The following TRIO variants were observed in gnomAD, a reference collection of about 807,000 sequenced individuals.
The protein encoded by TRIO is triple functional domain protein.
Under a neutral mutation model 351.9 loss-of-function variants are expected in TRIO, and 58 were observed. The observed-to-expected ratio is 0.16, with a 90% CI of 0.13 to 0.21. TRIO has a LOEUF of 0.21. Ranked by LOEUF, TRIO falls within the 10% of genes least tolerant of loss-of-function variation. TRIO has a pLI of 1.00. For synonymous variants in TRIO, 1,758 were observed against 1,595.7 expected (o/e 1.10, Z -2.42); for missense variants, 3,201 against 4,027.8 (o/e 0.79, Z 5.56).
At chr5:14,234,471 A>C (rs556574634) in intron 1 of TRIO, among the ~76,000 whole-genome samples, 1 of 152,320 alleles carries the variant, frequency 6.6e-6, no homozygotes, top group Admixed American at 6.5e-5. Flanking sequence ...TGTTTGCCGG[A>C]GGTAGCCCCG....
Position 14,431,627 on chromosome 5 carries a change from C to G in TRIO, c.5203+11606C>G, listed in dbSNP as rs139339683. Among the ~76,000 whole-genome samples, 221 of 152,260 alleles carry G rather than the reference C, an allele frequency of 1.5e-3. 3 individuals carry two copies. Among genetic ancestry groups the G allele is most frequent in the African/African-American group, 5.2e-3 (214 of 41,548 alleles). The stretch of plus-strand genomic sequence containing the variant: ...TAGATATAGATGTGTTTCCTACTGT[C>G]TCAAAAACATTTAGATCATTTCAGT... On this transcript the variant is annotated intron_variant, in intron 34 of 56. Transcript: ENST00000344204.
chr5:14,341,016 C>T (rs535515083), intron 11 of TRIO, among the ~76,000 whole-genome samples: 75 of 152,238 alleles, frequency 4.9e-4, no homozygotes, highest in African/African-American at 1.7e-3. Flanking sequence ...CAGCCTGGTG[C>T]TTTGTTCTGT....
intron 1 of TRIO, among the ~76,000 whole-genome samples, chr5:14,170,812 T>C (rs1218891246): frequency 1.3e-5 from 2 of 152,214 alleles, no homozygotes; most frequent in Non-Finnish European, 2.9e-5. Flanking sequence ...GCTCGAGATG[T>C]AATATATTCT....
intron 6 of TRIO, among the ~76,000 whole-genome samples, chr5:14,296,284 G>A (rs1737355635): frequency 6.6e-6 from 1 of 152,154 alleles, no homozygotes; most frequent in South Asian, 2.1e-4. Context: ...ATGAACAACA[G>A]CAACTTCGGA....
chr5:14,460,339 G>A (rs771512172), intron 34 of TRIO, among the ~76,000 whole-genome samples: 23 of 152,274 alleles, frequency 1.5e-4, no homozygotes, highest in African/African-American at 4.1e-4. Context: ...TGGCCTGGCC[G>A]TGAACAGGAA....
chr5:14,176,457 G>C (rs1057094292), intron 1 of TRIO, among the ~76,000 whole-genome samples: 5 of 152,028 alleles, frequency 3.3e-5, no homozygotes, highest in Non-Finnish European at 5.9e-5. Flanking sequence ...GTGACACAGC[G>C]AGACTCTGTC....
chr5:14,199,218 A>AAAAAAC lies in TRIO; in HGVS notation c.157+55337_157+55338insAAAACA, dbSNP rs1554031817. ...CTCAAAAAAAAAAAAAAAAAAAAAAAACCTCCCTAAAAATGCAACTCAAAG... is the reference window on the plus strand; with the variant it reads ...CTCAAAAAAAAAAAAAAAAAAAAAAAAAAAACACCTCCCTAAAAATGCAACTCAAAG... On this transcript the variant is annotated intron_variant, in intron 1 of 56. Coordinates refer to ENST00000344204, the MANE Select transcript of TRIO (RefSeq NM_007118.4). 3.3e-5 allele frequency among the ~76,000 whole-genome samples: 5 copies of AAAAAAC among 149,618 alleles called. No individual in the cohort carries two copies. The East Asian group carries it at 8.1e-4, about 24-fold the overall frequency.
intron 1 of TRIO, among the ~76,000 whole-genome samples, chr5:14,182,219 G>A (rs1476543414): frequency 1.3e-5 from 2 of 152,120 alleles, no homozygotes; most frequent in African/African-American, 4.8e-5. Context: ...TGGGAAGTGG[G>A]AAGGACCCCG....
chr5:14,222,657 G>C (rs189400184), intron 1 of TRIO, among the ~76,000 whole-genome samples: 10 of 152,304 alleles, frequency 6.6e-5, no homozygotes, highest in African/African-American at 2.4e-4. Flanking sequence ...TTGAGTAACT[G>C]TTCCACAGGA....
chr5:14,211,705 T>A (rs1791911633), intron 1 of TRIO, among the ~76,000 whole-genome samples: 1 of 151,770 alleles, frequency 6.6e-6, no homozygotes, highest in Admixed American at 6.6e-5. Flanking sequence ...AGCAACAGTT[T>A]GTTCTTAAGA....
intron 1 of TRIO, among the ~76,000 whole-genome samples, chr5:14,196,543 C>T (rs1176061821): frequency 1.3e-5 from 2 of 151,948 alleles, no homozygotes; most frequent in African/African-American, 2.4e-5. Flanking sequence ...TTCCAGCACA[C>T]ATCATATGTG....
chr5:14,445,104 C>G (rs1752340511), intron 34 of TRIO, among the ~76,000 whole-genome samples: 1 of 152,102 alleles, frequency 6.6e-6, no homozygotes, highest in South Asian at 2.1e-4. Flanking sequence ...AAAATTTCCT[C>G]CAGGTGCTCA....
Position 14,344,362 on chromosome 5 carries a change from C to CT in TRIO, c.2046+7636dup, listed in dbSNP as rs375325444. ...GTGGGAATATCCAAAAAAAATACAT[C>CT]TAGTCAATTATGTCTTTCTATAAAA... On this transcript the variant is annotated intron_variant, in intron 11 of 56. Coordinates refer to ENST00000344204, the MANE Select transcript of TRIO (RefSeq NM_007118.4). Among the ~76,000 whole-genome samples the CT allele has an allele frequency of 2.1e-3, 314 of 152,286 alleles. 3 individuals carry two copies. Among genetic ancestry groups the CT allele is most frequent in the African/African-American group, 7.2e-3 (301 of 41,540 alleles).
At chr5:14,171,451 C>T (rs1789092635) in intron 1 of TRIO, among the ~76,000 whole-genome samples, 2 of 152,150 alleles carry the variant, frequency 1.3e-5, no homozygotes, top group Non-Finnish European at 2.9e-5. Context: ...AACTTTATAA[C>T]ATTTGAATGT....
At chr5:14,464,873 C>T (rs1561522759) in intron 36 of TRIO, among the ~76,000 whole-genome samples, 1 of 152,052 alleles carries the variant, frequency 6.6e-6, no homozygotes, top group Non-Finnish European at 1.5e-5. Context: ...CTTAGTAGCC[C>T]CTCCCCCAGA....
intron 1 of TRIO, among the ~76,000 whole-genome samples, chr5:14,243,685 CAT>C (rs1323366102): frequency 6.6e-6 from 1 of 152,052 alleles, no homozygotes; most frequent in Non-Finnish European, 1.5e-5. Context: ...ATAAGGAAAA[CAT>C]ATGGGATAGA....
At position 14,290,793 on chromosome 5, in the gene TRIO, G is replaced by C; in HGVS notation, c.618G>C (p.Leu206=). Residue 206 remains leucine (L), a synonymous_variant, in exon 5 of 57, where the codon CTG becomes CTC. Coordinates refer to ENST00000344204, the MANE Select transcript of TRIO (RefSeq NM_007118.4). ...TAACTCCTGAGTTTGATGGCTGCCT[G>C]GAATACAACCACGAAGAATGGATTG... The part of the protein sequence containing the change: ...SQLTPEFDGC[L]EYNHEEWIEI... 6.2e-7 allele frequency: 1 copy of C among 1,614,032 alleles called. No homozygotes were observed. The highest frequency in any genetic ancestry group is 8.5e-7 in the Non-Finnish European group (1 of 1,180,010).
intron 1 of TRIO, among the ~76,000 whole-genome samples, chr5:14,190,031 A>G (rs995600875): frequency 6.7e-6 from 1 of 150,072 alleles, no homozygotes; most frequent in Non-Finnish European, 1.5e-5. Context: ...ATATCTTCAG[A>G]TCATTCATAT....
intron 7 of TRIO, among the ~76,000 whole-genome samples, chr5:14,302,736 C>T (rs990503751): frequency 2.0e-5 from 3 of 152,190 alleles, no homozygotes; most frequent in Non-Finnish European, 2.9e-5. Flanking sequence ...TAGCACATTT[C>T]TTTCTGGTCA....
Sources: gnomAD v4.1 joint callset for allele counts (sites outside exome capture counted in the v4.1 genomes callset) on GRCh38, gnomAD v4.1.1 for gene constraint, MANE v1.5 for transcripts, NCBI Gene and HGNC (gene_info 2026-07-23, HGNC 2026-07-21) for gene names.